Variants in PEAK1 observed in about 807,000 individuals in gnomAD.
PEAK1 encodes inactive tyrosine-protein kinase PEAK1.
In PEAK1, 54 loss-of-function variants were observed where a neutral mutation model predicts 124.7. The ratio of observed to expected loss-of-function variants is 0.43; its 90% CI spans 0.35 to 0.54. PEAK1 has a LOEUF of 0.54. Ranked by LOEUF, PEAK1 falls within the 20% of genes least tolerant of loss-of-function variation. PEAK1 has a pLI of 0.01. For synonymous variants in PEAK1, 719 were observed against 760.0 expected (o/e 0.95, Z 0.89); for missense variants, 2,046 against 2,134.5 (o/e 0.96, Z 0.82).
At chr15:77,147,052 A>C (rs2054225521) in intron 8 of PEAK1, among the ~76,000 whole-genome samples, 1 of 152,246 alleles carries the variant, frequency 6.6e-6, no homozygotes, top group Non-Finnish European at 1.5e-5. Context: ...AAAGTAAGTA[A>C]AATGAGAAAA....
rs561162971 is a variant in PEAK1 at position 77,247,027 on chromosome 15, T to C, written c.-115+5340A>G. 2.9e-3 allele frequency among the ~76,000 whole-genome samples: 446 copies of C among 152,096 alleles called. 1 individual carries two copies. The highest frequency in any genetic ancestry group is 4.9e-3 in the Non-Finnish European group (332 of 67,922). On this transcript the variant is annotated intron_variant, in intron 6 of 9. Transcript: ENST00000682557. ...TGTGAGACTCCGTCTCAAAAAAATATAGTGTATAGAAATATGATAGATTTT... is the reference window on the plus strand; with the variant it reads ...TGTGAGACTCCGTCTCAAAAAAATACAGTGTATAGAAATATGATAGATTTT...
chr15:77,187,861 A>G (rs1396158108), intron 6 of PEAK1, among the ~76,000 whole-genome samples: 1 of 152,216 alleles, frequency 6.6e-6, no homozygotes, highest in African/African-American at 2.4e-5. Flanking sequence ...GGTTCTCACT[A>G]GGCTTTTGTT....
intron 2 of PEAK1, among the ~76,000 whole-genome samples, chr15:77,310,020 A>AG (rs2064341893): frequency 6.6e-6 from 1 of 152,170 alleles, no homozygotes; most frequent in Non-Finnish European, 1.5e-5. Context: ...AAGAACCCAA[A>AG]CTAGTGGACT....
At chr15:77,349,266 T>C (rs563102778) in intron 2 of PEAK1, 420 of 612,968 alleles carry the variant, frequency 6.9e-4, no homozygotes, top group Non-Finnish European at 8.3e-4. Flanking sequence ...GTCTCGATCT[T>C]CTGACCTTAC....
intron 2 of PEAK1, among the ~76,000 whole-genome samples, chr15:77,340,887 C>T (rs1216302938): frequency 6.6e-6 from 1 of 152,034 alleles, no homozygotes; most frequent in Non-Finnish European, 1.5e-5. Flanking sequence ...TCCATGACTC[C>T]CTCAAGTTCA....
At chr15:77,216,174 A>G (rs1268664604) in intron 6 of PEAK1, among the ~76,000 whole-genome samples, 4 of 152,224 alleles carry the variant, frequency 2.6e-5, no homozygotes, top group African/African-American at 9.6e-5. Flanking sequence ...TGATCAATGA[A>G]ACAGTACACT....
At chr15:77,316,159 A>G (rs1439915300) in intron 2 of PEAK1, among the ~76,000 whole-genome samples, 1 of 152,180 alleles carries the variant, frequency 6.6e-6, no homozygotes, top group Non-Finnish European at 1.5e-5. Flanking sequence ...ACTGTGAGAT[A>G]TATTTTATCA....
chr15:77,189,203 AAAAAC>A (rs112278728), intron 6 of PEAK1, among the ~76,000 whole-genome samples: 7 of 152,306 alleles, frequency 4.6e-5, no homozygotes, highest in East Asian at 3.9e-4. Context: ...TCTATCTCAA[AAAAAC>A]AAAACAAAAC....
intron 1 of PEAK1, among the ~76,000 whole-genome samples, chr15:77,416,082 T>G (rs2072862928): frequency 6.6e-6 from 1 of 152,232 alleles, no homozygotes; most frequent in African/African-American, 2.4e-5. Flanking sequence ...ATAAAAGACA[T>G]CCTAATCACC....
At chr15:77,416,489 T>C (rs1201329613) in intron 1 of PEAK1, among the ~76,000 whole-genome samples, 2 of 152,222 alleles carry the variant, frequency 1.3e-5, no homozygotes, top group South Asian at 2.1e-4. Flanking sequence ...TCTAATTCAA[T>C]ATTCACTTCA....
At chr15:77,127,951 C>T (rs1408401395) in intron 9 of PEAK1, among the ~76,000 whole-genome samples, 5 of 151,876 alleles carry the variant, frequency 3.3e-5, no homozygotes, top group African/African-American at 9.7e-5. Flanking sequence ...TGGTGACGGA[C>T]GCCTGTAATA....
chr15:77,247,575 A>C (rs1465516676), intron 6 of PEAK1, among the ~76,000 whole-genome samples: 1 of 136,856 alleles, frequency 7.3e-6, no homozygotes, highest in Non-Finnish European at 1.5e-5. Flanking sequence ...TGGGTTCGAG[A>C]GATTCTTGGG....
chr15:77,154,892 G>A (rs1366117239), intron 8 of PEAK1, among the ~76,000 whole-genome samples: 23 of 151,384 alleles, frequency 1.5e-4, no homozygotes, highest in African/African-American at 1.9e-4. Flanking sequence ...TGGGTAACCC[G>A]ACCTTTCTCT....
chr15:77,321,506 T>G (rs1438459520), intron 2 of PEAK1, among the ~76,000 whole-genome samples: 1 of 152,226 alleles, frequency 6.6e-6, no homozygotes, highest in Non-Finnish European at 1.5e-5. Flanking sequence ...TTGATGGAGA[T>G]GTTTTTTTCC....
chr15:77,192,682 C>A (rs1196948465), intron 6 of PEAK1, among the ~76,000 whole-genome samples: 6 of 152,136 alleles, frequency 3.9e-5, no homozygotes, highest in Non-Finnish European at 7.4e-5. Context: ...GGTGCCAGAG[C>A]ACTAGGAGTA....
At chr15:77,189,530 C>T (rs1455901171) in intron 6 of PEAK1, among the ~76,000 whole-genome samples, 2 of 152,216 alleles carry the variant, frequency 1.3e-5, no homozygotes, top group Non-Finnish European at 2.9e-5. Flanking sequence ...CACACCTTCC[C>T]CTCCTCAGCT....
In PEAK1 at chr15:77,179,360, G is replaced by A. The variant is rs373119622; in HGVS notation, c.2567C>T (p.Ser856Phe). The A allele has an allele frequency of 3.1e-6, 5 of 1,614,084 alleles. No individual in the cohort carries two copies. The highest frequency in any genetic ancestry group is 2.2e-5 in the East Asian group (1 of 44,878). ...ACTTTGGGGGCTAGTCACTAATTTG[G>A]AGGGAGAGGGGGTGACTGGCTTTAT... ...PSIKPVTPSP[S>F]KLVTSPQSEP... The change falls in exon 7 of 10, where the codon TCC becomes TTC. Residue 856 changes from serine to phenylalanine, a missense_variant. Physicochemically the swap from Ser to Phe is radical, Grantham distance 155. Transcript: ENST00000682557.
intron 5 of PEAK1, among the ~76,000 whole-genome samples, chr15:77,269,134 T>C (rs997370225): frequency 1.3e-5 from 2 of 150,568 alleles, no homozygotes; most frequent in Admixed American, 6.6e-5. Flanking sequence ...TCAGGCAATA[T>C]ATAGAACGAT....
intron 1 of PEAK1, among the ~76,000 whole-genome samples, chr15:77,392,027 T>C (rs1463585105): frequency 1.3e-5 from 2 of 152,204 alleles, no homozygotes; most frequent in African/African-American, 2.4e-5. Flanking sequence ...AAAACTATGA[T>C]CCTGTATATA....
Sources: gnomAD v4.1 joint callset for allele counts (sites outside exome capture counted in the v4.1 genomes callset) on GRCh38, gnomAD v4.1.1 for gene constraint, MANE v1.5 for transcripts, NCBI Gene and HGNC (gene_info 2026-07-23, HGNC 2026-07-21) for gene names.